PITRM1: variants seen among roughly 807,000 people sequenced by gnomAD.
PITRM1 encodes the protein presequence protease, mitochondrial.
PITRM1 carries 100 observed loss-of-function variants against 129.9 expected under a neutral mutation model. That is an observed-to-expected ratio of 0.77 (90% CI 0.65 to 0.91). PITRM1 has a LOEUF of 0.91. Among genes scored for constraint, PITRM1 ranks in the 40% least tolerant of loss-of-function variants. The probability of loss-of-function intolerance (pLI) is 0.00; values close to 1 mark genes in which losing one functional copy is unlikely to be tolerated. For synonymous variants in PITRM1, 591 were observed against 508.8 expected (o/e 1.16, Z -2.17); for missense variants, 1,471 against 1,318.3 (o/e 1.12, Z -1.79).
chr10:3,158,453 G>T (rs1242108786), intron 10 of PITRM1, among the ~76,000 whole-genome samples: 2 of 152,178 alleles, frequency 1.3e-5, no homozygotes, highest in Non-Finnish European at 2.9e-5. Context: ...TGGAGGCTGA[G>T]GCAGGAGAAT....
At chr10:3,160,133 A>T in intron 8 of PITRM1, 71 bp downstream of exon 8, 1 of 1,514,380 alleles carries the variant, frequency 6.6e-7, no homozygotes, top group South Asian at 1.2e-5. Flanking sequence ...AAATCCCATC[A>T]TCAATACCCA....
intron 21 of PITRM1, 146 bp downstream of exon 21, chr10:3,145,450 G>A: frequency 2.9e-6 from 2 of 679,780 alleles, no homozygotes; most frequent in East Asian, 2.7e-5. Context: ...TAATCCTCCT[G>A]AACCTCAGTT....
chr10:3,166,803 A>T, intron 3 of PITRM1, 133 bp downstream of exon 3: 1 of 564,290 alleles, frequency 1.8e-6, no homozygotes, highest in Admixed American at 3.4e-5. Context: ...AGCTGTCCTT[A>T]GTGTTAGTGT....
rs539915207 is a variant in PITRM1, at chr10:3,148,323, C to G, written c.1872-32G>C. Reference sequence around the variant, plus strand: ...CAGCAGAGAAGCATCGCCCCGATTACAAGTCAGTCTTTACTGAATCATTTT... The same window carrying G: ...CAGCAGAGAAGCATCGCCCCGATTAGAAGTCAGTCTTTACTGAATCATTTT... On this transcript the variant is annotated intron_variant, in intron 16 of 26. Transcript: ENST00000224949. 8 of 1,567,134 alleles carry G rather than the reference C, an allele frequency of 5.1e-6. No homozygotes were observed. The Admixed American group carries it at 1.6e-4, about 31-fold the overall frequency.
At position 3,148,082 on chromosome 10, in the gene PITRM1, A is replaced by G; in HGVS notation, c.1993-19T>C. On this transcript the variant is annotated intron_variant, in intron 17 of 26. Coordinates refer to ENST00000224949, the MANE Select transcript of PITRM1 (RefSeq NM_014889.4). ...GCACACCCTGAACCAAAGAAAACAC[A>G]GAAGAAAGGAATTAGGGCCGAATCG... 1 of 1,613,816 alleles carries G rather than the reference A, an allele frequency of 6.2e-7. No homozygotes were observed. Among genetic ancestry groups the G allele is most frequent in the Non-Finnish European group, 8.5e-7 (1 of 1,179,698 alleles).
chr10:3,160,043 T>A, intron 8 of PITRM1, 107 bp from the exon 9 acceptor site: 1 of 1,240,728 alleles, frequency 8.1e-7, no homozygotes, highest in Non-Finnish European at 1.2e-6. Context: ...TCCACTAAGT[T>A]AACTTTCCTT....
rs200241876 is a variant in PITRM1 at position 3,143,372 on chromosome 10, G to T, written c.2645+17C>A. ...GTAAGGCTCAGGCCTGAGAGGTCCC[G>T]ACCTACACCCTCCTACCTGGCATGA... On this transcript the variant is annotated intron_variant, in intron 23 of 26. Transcript: ENST00000224949. 1 of 1,519,254 alleles carries T rather than the reference G, an allele frequency of 6.6e-7. No homozygotes were observed. The highest frequency in any genetic ancestry group is 1.1e-5 in the South Asian group (1 of 89,158). The allele number at this position is 1,519,254 out of a possible 1,614,324, so 94.1% of individuals were successfully genotyped here. A position where few individuals can be genotyped will look rare whatever the true frequency, so the allele number is the denominator to read the frequency against.
Position 3,172,700 on chromosome 10 carries a change from C to T in PITRM1, c.56+17G>A. 6.5e-7 allele frequency: 1 copy of T among 1,534,798 alleles called. No homozygotes were observed. Among genetic ancestry groups the T allele is most frequent in the Non-Finnish European group, 8.8e-7 (1 of 1,141,680 alleles). On this transcript the variant is annotated intron_variant, in intron 1 of 26. Transcript: ENST00000224949. ...CGGGTACCAGCGCGCCGAGCGCCTCCCGTCGCAGCGTCTCACCCGCCGCTC... is the reference window on the plus strand; with the variant it reads ...CGGGTACCAGCGCGCCGAGCGCCTCTCGTCGCAGCGTCTCACCCGCCGCTC...
chr10:3,147,815 T>C (rs1841059803), intron 18 of PITRM1, 78 bp from the exon 19 acceptor site: 2 of 1,387,608 alleles, frequency 1.4e-6, no homozygotes, highest in Non-Finnish European at 2.0e-6. Flanking sequence ...GTTGATTAAG[T>C]TTTCAGAGTA....
chr10:3,153,349 A>G (rs1385861667), intron 14 of PITRM1, among the ~76,000 whole-genome samples: 1 of 152,244 alleles, frequency 6.6e-6, no homozygotes, highest in Non-Finnish European at 1.5e-5. Context: ...AATAATTTCA[A>G]TTAAAAGCGG....
At position 3,150,775 on chromosome 10, in the gene PITRM1, G is replaced by A. The variant is rs940006550; in HGVS notation, c.1738+472C>T. Reference sequence around the variant, plus strand: ...CGTGTCACGGAACAAAACGTGCCAAGGAACGAAATGCCAGGACACGGCAGG... The same window carrying A: ...CGTGTCACGGAACAAAACGTGCCAAAGAACGAAATGCCAGGACACGGCAGG... On this transcript the variant is annotated intron_variant, in intron 15 of 26. Transcript: ENST00000224949. Among the ~76,000 whole-genome samples the A allele has an allele frequency of 2.0e-5, 3 of 152,284 alleles. No individual in the cohort carries two copies. The East Asian group carries it at 5.8e-4, about 29-fold the overall frequency.
intron 12 of PITRM1, 85 bp downstream of exon 12, chr10:3,157,350 A>T (rs1215122149): frequency 2.5e-6 from 2 of 792,512 alleles, no homozygotes; most frequent in Admixed American, 3.0e-5. Flanking sequence ...TATTTCACAT[A>T]AAAATATCAA....
intron 23 of PITRM1, chr10:3,141,523 CT>C (rs1246941740): frequency 1.3e-4 from 35 of 263,206 alleles, no homozygotes; most frequent in South Asian, 8.9e-4. Flanking sequence ...AACACACACT[CT>C]CTGATAAAGC....
At position 3,171,146 on chromosome 10, in the gene PITRM1, TTAAAAAAAAAA is replaced by T. The variant is rs1222909175; in HGVS notation, c.57-951_57-941del. On this transcript the variant is annotated intron_variant, in intron 1 of 26. Coordinates refer to ENST00000224949, the MANE Select transcript of PITRM1 (RefSeq NM_014889.4). ...GATAAAGTGCGGACTAATCGTTCAA[TTAAAAAAAAAA>T]AAAAAAAAAAAAAAAAAAAAAAAAA... Among the ~76,000 whole-genome samples, 82 of 36,262 alleles carry T rather than the reference TTAAAAAAAAAA, an allele frequency of 2.3e-3. 2 individuals are homozygous for T. Among genetic ancestry groups the T allele is most frequent in the South Asian group, 0.016 (12 of 736 alleles). The allele number at this position is 36,262 out of a possible 152,430, so 23.8% of individuals were successfully genotyped here. A position where few individuals can be genotyped will look rare whatever the true frequency, so the allele number is the denominator to read the frequency against.
chr10:3,147,952 C>T (rs1295250466), intron 18 of PITRM1, 35 bp downstream of exon 18: 1 of 1,487,184 alleles, frequency 6.7e-7, no homozygotes, highest in African/African-American at 1.4e-5. Flanking sequence ...CTCTAGTACA[C>T]CCCAAGAATG....
chr10:3,143,487 C>A lies in PITRM1; in HGVS notation c.2547G>T (p.Lys849Asn). The change falls in exon 23 of 27, where the codon AAG becomes AAT. Residue 849 changes from lysine to asparagine, a missense_variant. Transcript: ENST00000224949. ...IRKLVMEPTF[K>N]PWQMKTHFLM... Reference sequence around the variant, plus strand: ...GGAAGTGAGTCTTCATCTGCCAGGGCTTGAAGGTGGGTTCCTGAGGGACAC... The same window carrying A: ...GGAAGTGAGTCTTCATCTGCCAGGGATTGAAGGTGGGTTCCTGAGGGACAC... The A allele has an allele frequency of 6.2e-7, 1 of 1,612,680 alleles. No homozygotes were observed. Among genetic ancestry groups the A allele is most frequent in the East Asian group, 2.2e-5 (1 of 44,860 alleles).
At chr10:3,164,573 T>C (rs535756615) in intron 6 of PITRM1, among the ~76,000 whole-genome samples, 8 of 152,212 alleles carry the variant, frequency 5.3e-5, no homozygotes, top group Admixed American at 1.3e-4. Context: ...GTGCCAATAA[T>C]GGAACACTAG....
Position 3,158,052 on chromosome 10 carries a change from T to A in PITRM1, c.1238A>T (p.Asp413Val). 1.3e-6 allele frequency: 2 copies of A among 1,596,996 alleles called. No individual in the cohort carries two copies. Among genetic ancestry groups the A allele is most frequent in the South Asian group, 2.2e-5 (2 of 90,778 alleles). Residue 413 changes from aspartate to valine, a missense_variant, in exon 11 of 27, where the codon GAT becomes GTT. Coordinates refer to ENST00000224949, the MANE Select transcript of PITRM1 (RefSeq NM_014889.4). The stretch of plus-strand genomic sequence containing the variant: ...AAGCTACACTCACTCAACTACTTCA[T>A]CAATCGTTCTGTCTATGAGGCTTCT... Reference protein sequence around the residue: ...TVRSLIDRTIDEVVEKGFEDD... With the variant: ...TVRSLIDRTIVEVVEKGFEDD...
Position 3,137,811 on chromosome 10 carries a change from T to C in PITRM1, c.*220A>G, listed in dbSNP as rs1193808448. ...GAGCCTGCCAGTACAAAGTGAAAAT[T>C]CTACATGGTGCATCTTTGGCGCTTC... is the stretch of plus-strand genomic sequence containing the variant. On this transcript the variant is annotated 3_prime_UTR_variant, in exon 27 of 27. Coordinates refer to ENST00000224949, the MANE Select transcript of PITRM1 (RefSeq NM_014889.4). 2 of 551,830 alleles carry C rather than the reference T, an allele frequency of 3.6e-6. No homozygotes were observed. Among genetic ancestry groups the C allele is most frequent in the Non-Finnish European group, 6.5e-6 (2 of 307,312 alleles). 34.2% of individuals were successfully genotyped at this position (551,830 alleles called of 1,614,324 possible).
Sources: gnomAD v4.1 joint callset for allele counts (sites outside exome capture counted in the v4.1 genomes callset) on GRCh38, gnomAD v4.1.1 for gene constraint, MANE v1.5 for transcripts, NCBI Gene and HGNC (gene_info 2026-07-23, HGNC 2026-07-21) for gene names.